NTF3: variants seen among roughly 807,000 people sequenced by gnomAD.
NTF3 encodes the protein neurotrophin-3.
Under a neutral mutation model 26.3 loss-of-function variants are expected in NTF3, and 8 were observed. The observed-to-expected ratio is 0.30, with a 90% confidence interval of 0.18 to 0.55. NTF3 has a LOEUF of 0.55. Ranked by LOEUF, NTF3 falls within the 20% of genes least tolerant of loss-of-function variation. The probability of loss-of-function intolerance (pLI) is 0.93; values close to 1 mark genes in which losing one functional copy is unlikely to be tolerated. For missense variants in NTF3, 276 were observed against 352.9 expected (o/e 0.78, Z 1.75); for synonymous variants, 154 against 145.5 (o/e 1.06, Z -0.42).
At chr12:5,430,691 A>G (rs1397268832), upstream of NTF3, among the ~76,000 whole-genome samples, 4 of 151,496 alleles carry the variant, frequency 2.6e-5, no homozygotes, top group African/African-American at 9.7e-5. Context: ...TTCTCAAGCA[A>G]TTTCAAGGTA....
rs182679298 is a variant in NTF3 at position 5,438,227 on chromosome 12, C to T, written c.18+5885C>T. ...AGAACACATGTAGATGGCCCCAGAG[C>T]GTTAAAGTATTTTTTGTTGTTGTTA... On this transcript the variant is annotated intron_variant, in intron 1 of 1. Transcript: ENST00000423158. Among the ~76,000 whole-genome samples the T allele has an allele frequency of 9.7e-4, 147 of 151,732 alleles. 1 individual carries two copies. The highest frequency in any genetic ancestry group is 3.5e-3 in the African/African-American group (144 of 41,356).
intron 1 of NTF3, among the ~76,000 whole-genome samples, chr12:5,441,772 AG>A (rs775264030): frequency 2.0e-5 from 3 of 152,242 alleles, no homozygotes; most frequent in Non-Finnish European, 2.9e-5. Flanking sequence ...GCACCTTGCC[AG>A]GGCTTCAAAA....
intron 1 of NTF3, among the ~76,000 whole-genome samples, chr12:5,469,544 A>G (rs1266796510): frequency 6.6e-6 from 1 of 152,130 alleles, no homozygotes; most frequent in Non-Finnish European, 1.5e-5. Flanking sequence ...AATGGGGAAA[A>G]TTGCACAGCT....
chr12:5,430,760 C>T (rs893670604), upstream of NTF3, among the ~76,000 whole-genome samples: 3 of 151,754 alleles, frequency 2.0e-5, no homozygotes, highest in African/African-American at 4.8e-5. Flanking sequence ...TTATTAGACA[C>T]CTCGAACGAC....
At position 5,494,435 on chromosome 12, in the gene NTF3, G is replaced by A. The variant is rs1173573395; in HGVS notation, c.260G>A (p.Arg87Gln). The change falls in exon 2 of 2, where the codon CGG becomes CAG. Residue 87 changes from arginine (R) to glutamine (Q), a missense_variant. Coordinates refer to ENST00000423158, the MANE Select transcript of NTF3 (RefSeq NM_001102654.2). The surrounding 1 kb of genome is among the most constrained non-coding windows in gnomAD (Gnocchi z 8.3). ...GCTGAGGCTCCCCGAGAGCCGGAGC[G>A]GGGAGGGCCCGCCAAGTCAGCATTC... ...PKAEAPREPE[R>Q]GGPAKSAFQP... is the part of the protein sequence containing the mutation. 3 of 1,613,242 alleles carry A rather than the reference G, an allele frequency of 1.9e-6. No individual in the cohort carries two copies. The highest frequency in any genetic ancestry group is 1.1e-5 in the South Asian group (1 of 91,058).
chr12:5,447,501 A>T (rs1430029678), intron 1 of NTF3, among the ~76,000 whole-genome samples: 3 of 152,222 alleles, frequency 2.0e-5, no homozygotes, highest in Non-Finnish European at 4.4e-5. Context: ...TTTAAGCAAG[A>T]GGAACCAAGT....
chr12:5,439,452 C>T (rs991395634), intron 1 of NTF3, among the ~76,000 whole-genome samples: 56 of 152,224 alleles, frequency 3.7e-4, no homozygotes, highest in African/African-American at 1.4e-3. Flanking sequence ...CTGGGTCCAT[C>T]TTCTTCTGCA....
At chr12:5,473,022 C>T (rs1940683931) in intron 1 of NTF3, among the ~76,000 whole-genome samples, 1 of 152,218 alleles carries the variant, frequency 6.6e-6, no homozygotes, top group Non-Finnish European at 1.5e-5. Context: ...GCTCCAGCAG[C>T]AGAGTTCCCG....
chr12:5,473,669 T>C (rs1166645623), intron 1 of NTF3, among the ~76,000 whole-genome samples: 1 of 152,220 alleles, frequency 6.6e-6, no homozygotes, highest in African/African-American at 2.4e-5. Flanking sequence ...GCTTCTGAGT[T>C]CTGGGCAAGT....
chr12:5,461,893 A>G (rs1162915571), intron 1 of NTF3, among the ~76,000 whole-genome samples: 1 of 152,224 alleles, frequency 6.6e-6, no homozygotes, highest in Admixed American at 6.5e-5. Flanking sequence ...AGAAATATGA[A>G]GAACTCGTAA....
At chr12:5,489,332 A>T (rs998752383) in intron 1 of NTF3, among the ~76,000 whole-genome samples, 3 of 152,252 alleles carry the variant, frequency 2.0e-5, no homozygotes, top group East Asian at 3.9e-4. Context: ...CCAGGCTTGG[A>T]GCTTGGGCTT....
intron 1 of NTF3, among the ~76,000 whole-genome samples, chr12:5,448,221 C>A (rs149895242): frequency 6.6e-6 from 1 of 152,328 alleles, no homozygotes; most frequent in Non-Finnish European, 1.5e-5. Flanking sequence ...ACCCTTGAAA[C>A]ATCCATAGTC....
At chr12:5,455,581 CACAT>C (rs879662009) in intron 1 of NTF3, among the ~76,000 whole-genome samples, 8,462 of 67,088 alleles carry the variant, frequency 0.13, 655 homozygotes, top group East Asian at 0.27. Flanking sequence ...CACACACACA[CACAT>C]AGCCCCTGTG....
chr12:5,458,682 T>C (rs567174117), intron 1 of NTF3, among the ~76,000 whole-genome samples: 1 of 152,354 alleles, frequency 6.6e-6, no homozygotes, highest in African/African-American at 2.4e-5. Flanking sequence ...CTCATTCACT[T>C]TGGCAAATGT....
intron 1 of NTF3, among the ~76,000 whole-genome samples, chr12:5,464,295 A>G (rs575068755): frequency 2.6e-5 from 4 of 152,204 alleles, no homozygotes; most frequent in Non-Finnish European, 5.9e-5. Flanking sequence ...AAGACAGGGA[A>G]GTGGTTTCCA....
intron 1 of NTF3, among the ~76,000 whole-genome samples, chr12:5,435,390 G>T (rs907225163): frequency 2.0e-5 from 3 of 152,228 alleles, no homozygotes; most frequent in Non-Finnish European, 2.9e-5. Flanking sequence ...AATAGACAGA[G>T]CTCGACGCTT....
intron 1 of NTF3, among the ~76,000 whole-genome samples, chr12:5,479,876 G>T (rs1000949459): frequency 2.6e-5 from 4 of 152,150 alleles, no homozygotes; most frequent in African/African-American, 9.7e-5. Flanking sequence ...CTGGCCTCTA[G>T]GCCTCATGTT....
rs140354651 is a variant in NTF3, at chr12:5,472,242, C to T, written c.19-21952C>T. 1.3e-4 allele frequency among the ~76,000 whole-genome samples: 20 copies of T among 152,102 alleles called. No homozygotes were observed. The East Asian group carries it at 2.3e-3, about 18-fold the overall frequency. ...GAAAGAAGGGCAGTGTTTGGTGTGA[C>T]GGGAAGGGAAAGTATAAGCAGGCAG... On this transcript the variant is annotated intron_variant, in intron 1 of 1. Transcript: ENST00000423158.
Position 5,444,748 on chromosome 12 carries a change from C to T in NTF3, c.18+12406C>T, listed in dbSNP as rs149694226. Among the ~76,000 whole-genome samples the T allele has an allele frequency of 2.9e-3, 444 of 152,206 alleles. 2 individuals are homozygous for T. The highest frequency in any genetic ancestry group is 0.01 in the African/African-American group (417 of 41,506). ...GCTTTTGTTTTTAAAAAGATCCCTCCGGCTGCAGTGTGGCTCTGAATAAAG... is the reference window on the plus strand; with the variant it reads ...GCTTTTGTTTTTAAAAAGATCCCTCTGGCTGCAGTGTGGCTCTGAATAAAG... On this transcript the variant is annotated intron_variant, in intron 1 of 1. Coordinates refer to ENST00000423158, the MANE Select transcript of NTF3 (RefSeq NM_001102654.2).
Sources: allele counts gnomAD v4.1 joint callset (sites outside exome capture counted in the v4.1 genomes callset), GRCh38; gene constraint gnomAD v4.1.1; non-coding constraint Gnocchi (gnomAD v3.1); transcripts MANE v1.5; gene names NCBI Gene and HGNC (gene_info 2026-07-23, HGNC 2026-07-21).